MACO1: variants seen among roughly 807,000 people sequenced by gnomAD.
The protein encoded by MACO1 is macoilin.
Under a neutral mutation model 78.7 loss-of-function variants are expected in MACO1, and 14 were observed. The ratio of observed to expected loss-of-function variants is 0.18; its 90% CI spans 0.12 to 0.28. The LOEUF is 0.28. MACO1 is among the 10% of genes least tolerant of loss of function. MACO1 has a pLI of 1.00. For synonymous variants in MACO1, 288 were observed against 291.6 expected, an observed-to-expected ratio of 0.99 and a Z score of 0.12; for missense variants, 501 against 799.0, an observed-to-expected ratio of 0.63 and a Z score of 4.50.
At chr1:25,471,626 A>G (rs1176730832) in intron 6 of MACO1, among the ~76,000 whole-genome samples, 2 of 152,210 alleles carry the variant, frequency 1.3e-5, no homozygotes, top group African/African-American at 4.8e-5. Flanking sequence ...TGTTGAATTA[A>G]TAAATGCTAC....
intron 2 of MACO1, 29 bp downstream of exon 2, chr1:25,446,932 T>C: frequency 6.2e-7 from 1 of 1,602,502 alleles, no homozygotes; most frequent in Non-Finnish European, 8.5e-7. Context: ...GTTTTCCATG[T>C]GTGGGGACCA....
In MACO1 at chr1:25,498,777, GA is replaced by G. The variant is rs941252546; in HGVS notation, c.*320del. 6.7e-5 allele frequency: 17 copies of G among 253,918 alleles called. No individual in the cohort carries two copies. The highest frequency in any genetic ancestry group is 3.1e-4 in the South Asian group (2 of 6,488). 15.7% of individuals were successfully genotyped at this position (253,918 alleles called of 1,614,324 possible). ...TATTCTTACATAGTTTCCTCTTGAA[GA>G]AAAAAAAAGCAGAGTTTTTGTTTTT... is the stretch of plus-strand genomic sequence containing the variant. On this transcript the variant is annotated 3_prime_UTR_variant, in exon 11 of 11. Coordinates refer to ENST00000374343, the MANE Select transcript of MACO1 (RefSeq NM_018202.6).
intron 4 of MACO1, 105 bp downstream of exon 4, chr1:25,454,487 TA>T (rs370797093): frequency 0.22 from 26,788 of 119,156 alleles, 3,266 homozygotes; most frequent in Non-Finnish European, 0.27. Context: ...TATATATATA[TA>T]TTTTTTTTTT....
At chr1:25,436,440 G>A (rs142885388) in intron 1 of MACO1, among the ~76,000 whole-genome samples, 6 of 152,206 alleles carry the variant, frequency 3.9e-5, no homozygotes, top group Non-Finnish European at 7.4e-5. Context: ...AATTTAGTGT[G>A]CTCTTCAGAT....
At position 25,498,534 on chromosome 1, in the gene MACO1, G is replaced by A; in HGVS notation, c.*68G>A. On this transcript the variant is annotated 3_prime_UTR_variant, in exon 11 of 11. Coordinates refer to ENST00000374343, the MANE Select transcript of MACO1 (RefSeq NM_018202.6). ...GCATTGCAAAGGAGCGTCTCTGGCA[G>A]TCAAGATAAAAAAACAGTTTCTATT... The A allele has an allele frequency of 7.1e-7, 1 of 1,403,270 alleles. No homozygotes were observed. Among genetic ancestry groups the A allele is most frequent in the Non-Finnish European group, 9.7e-7 (1 of 1,031,336 alleles). 86.9% of individuals were successfully genotyped at this position (1,403,270 alleles called of 1,614,324 possible).
chr1:25,496,629 T>C (rs1275766792), intron 10 of MACO1, among the ~76,000 whole-genome samples: 1 of 151,982 alleles, frequency 6.6e-6, no homozygotes, highest in Non-Finnish European at 1.5e-5. Flanking sequence ...GATAACTAAA[T>C]GACTTTGAGC....
At chr1:25,467,661 A>G (rs954258544) in intron 6 of MACO1, among the ~76,000 whole-genome samples, 3 of 152,138 alleles carry the variant, frequency 2.0e-5, no homozygotes, top group African/African-American at 7.2e-5. Flanking sequence ...AAAGAGTCAT[A>G]AAGGAAATGT....
At chr1:25,442,912 A>G (rs114047796) in intron 1 of MACO1, among the ~76,000 whole-genome samples, 3 of 152,320 alleles carry the variant, frequency 2.0e-5, no homozygotes, top group East Asian at 1.9e-4. Flanking sequence ...TTTGTTTAAG[A>G]TACAGTATAG....
chr1:25,434,220 A>T (rs1157181025), intron 1 of MACO1, among the ~76,000 whole-genome samples: 2 of 152,234 alleles, frequency 1.3e-5, no homozygotes, highest in Non-Finnish European at 2.9e-5. Flanking sequence ...TCCAGTTAAT[A>T]ATTAAAAATA....
rs1206145593 is a variant in MACO1, at chr1:25,500,076, G to A, written c.*1610G>A. The A allele has an allele frequency of 6.6e-6, 1 of 151,552 alleles. No individual in the cohort carries two copies. The highest frequency in any genetic ancestry group is 1.5e-5 in the Non-Finnish European group (1 of 67,950). 9.4% of individuals were successfully genotyped at this position (151,552 alleles called of 1,614,324 possible). A position where few individuals can be genotyped will look rare whatever the true frequency, so the allele number is the denominator to read the frequency against. ...TCTTTGTGCAAAAACATGGAAAATT[G>A]TCACTGACTTTGTTTTGAGGTTTCC... On this transcript the variant is annotated 3_prime_UTR_variant, in exon 11 of 11. Coordinates refer to ENST00000374343, the MANE Select transcript of MACO1 (RefSeq NM_018202.6).
In MACO1 at chr1:25,499,813, A is replaced by C. The variant is rs2043571360; in HGVS notation, c.*1347A>C. On this transcript the variant is annotated 3_prime_UTR_variant, in exon 11 of 11. Coordinates refer to ENST00000374343, the MANE Select transcript of MACO1 (RefSeq NM_018202.6). Reference sequence around the variant, plus strand: ...TTCTGGAAGGACATAGTTCTTCTAAAATTTCCTGTTAATTGGCATGTACGT... The same window carrying C: ...TTCTGGAAGGACATAGTTCTTCTAACATTTCCTGTTAATTGGCATGTACGT... 6.6e-6 allele frequency: 1 copy of C among 152,212 alleles called. No individual in the cohort carries two copies. The highest frequency in any genetic ancestry group is 1.5e-5 in the Non-Finnish European group (1 of 68,028). 9.4% of individuals were successfully genotyped at this position (152,212 alleles called of 1,614,324 possible).
At chr1:25,465,748 A>G (rs2043213894) in intron 6 of MACO1, among the ~76,000 whole-genome samples, 1 of 152,138 alleles carries the variant, frequency 6.6e-6, no homozygotes. Context: ...CCAACTTCTC[A>G]TTATCGACCC....
At chr1:25,480,493 A>G (rs899042581) in intron 6 of MACO1, among the ~76,000 whole-genome samples, 6 of 152,228 alleles carry the variant, frequency 3.9e-5, no homozygotes, top group Admixed American at 3.9e-4. Context: ...TAACATATAT[A>G]CACACCAGTG....
At chr1:25,431,553 G>T (rs976950403) in intron 1 of MACO1, among the ~76,000 whole-genome samples, 3 of 151,902 alleles carry the variant, frequency 2.0e-5, no homozygotes, top group African/African-American at 7.2e-5. Context: ...ACTGGCCGCC[G>T]CTGGCCCCCG....
chr1:25,449,934 G>T (rs1375533535), intron 3 of MACO1, among the ~76,000 whole-genome samples: 1 of 152,170 alleles, frequency 6.6e-6, no homozygotes, highest in Non-Finnish European at 1.5e-5. Flanking sequence ...CAAGAGAATC[G>T]CTTGAACCCG....
intron 4 of MACO1, among the ~76,000 whole-genome samples, chr1:25,455,772 G>C (rs954134868): frequency 1.3e-5 from 2 of 152,122 alleles, no homozygotes; most frequent in Admixed American, 1.3e-4. Flanking sequence ...ATTTATATAT[G>C]ACAGAGTGTT....
At chr1:25,453,801 G>A (rs1294119089) in intron 3 of MACO1, among the ~76,000 whole-genome samples, 1 of 151,686 alleles carries the variant, frequency 6.6e-6, no homozygotes, top group Non-Finnish European at 1.5e-5. Flanking sequence ...ATGAACCTTT[G>A]CCCATACCCT....
Position 25,493,892 on chromosome 1 carries a change from C to T in MACO1, c.1792+2308C>T, listed in dbSNP as rs961524881. Among the ~76,000 whole-genome samples, 13 of 151,952 alleles carry T rather than the reference C, an allele frequency of 8.6e-5. No homozygotes were observed. The East Asian group carries it at 1.7e-3, about 20-fold the overall frequency. On this transcript the variant is annotated intron_variant, in intron 10 of 10. Transcript: ENST00000374343. ...GGACTACGGCGCCCGCCACCACACC[C>T]GGCTAATTTTTTGTATTTTTAGTAG...
chr1:25,473,866 G>A (rs1179909804), intron 6 of MACO1, among the ~76,000 whole-genome samples: 1 of 152,062 alleles, frequency 6.6e-6, no homozygotes, highest in Non-Finnish European at 1.5e-5. Context: ...TTTTTTATAG[G>A]TAGAATGACA....
Sources: allele counts gnomAD v4.1 joint callset (sites outside exome capture counted in the v4.1 genomes callset), GRCh38; gene constraint gnomAD v4.1.1; transcripts MANE v1.5; gene names NCBI Gene and HGNC (gene_info 2026-07-23, HGNC 2026-07-21).